CGNL1: variants seen among roughly 807,000 people sequenced by gnomAD.
CGNL1 encodes the protein cingulin like 1.
Under a neutral mutation model 141.2 loss-of-function variants are expected in CGNL1, and 132 were observed. The ratio of observed to expected loss-of-function variants is 0.93; its 90% CI spans 0.81 to 1.08. CGNL1 has a LOEUF of 1.08. CGNL1 is among the 50% of genes least tolerant of loss of function. The probability of loss-of-function intolerance (pLI) is 0.00; values close to 1 mark genes in which losing one functional copy is unlikely to be tolerated. For synonymous variants in CGNL1, 690 were observed against 622.1 expected, an observed-to-expected ratio of 1.11 and a Z score of -1.63; for missense variants, 1,870 against 1,588.6, an observed-to-expected ratio of 1.18 and a Z score of -3.01.
At chr15:57,480,314 T>G (rs988793855) in intron 8 of CGNL1, among the ~76,000 whole-genome samples, 10 of 132,728 alleles carry the variant, frequency 7.5e-5, no homozygotes, top group African/African-American at 3.4e-4. Flanking sequence ...GGTCAGGAGT[T>G]TGAGACCCGC....
intron 12 of CGNL1, among the ~76,000 whole-genome samples, chr15:57,528,079 A>C (rs1385689791): frequency 6.6e-6 from 1 of 152,194 alleles, no homozygotes; most frequent in African/African-American, 2.4e-5. Context: ...CACCATGGTG[A>C]AGCTCCATCT....
intron 7 of CGNL1, among the ~76,000 whole-genome samples, chr15:57,457,343 T>C (rs1275835902): frequency 6.6e-6 from 1 of 152,238 alleles, no homozygotes; most frequent in Non-Finnish European, 1.5e-5. Flanking sequence ...GGCCACTTGC[T>C]GCTGCTGCAG....
chr15:57,442,341 C>A, intron 3 of CGNL1, 32 bp from the exon 4 acceptor site: 1 of 1,359,438 alleles, frequency 7.4e-7, no homozygotes, highest in Non-Finnish European at 1.1e-6. Context: ...TGGTTGTGTC[C>A]CTCATTGTTT....
At chr15:57,528,606 T>C in intron 12 of CGNL1, 48 bp from the exon 13 acceptor site, 1 of 1,602,040 alleles carries the variant, frequency 6.2e-7, no homozygotes, top group Non-Finnish European at 8.5e-7. Context: ...GAGGTCTCTA[T>C]GCTCTTGATG....
At chr15:57,432,733 G>A (rs1291267173) in intron 1 of CGNL1, among the ~76,000 whole-genome samples, 10 of 152,198 alleles carry the variant, frequency 6.6e-5, no homozygotes, top group African/African-American at 2.4e-4. Context: ...CACTTTGATT[G>A]GGAAGGAAAT....
intron 4 of CGNL1, among the ~76,000 whole-genome samples, chr15:57,442,789 T>C (rs1360036698): frequency 6.6e-6 from 1 of 152,024 alleles, no homozygotes; most frequent in Non-Finnish European, 1.5e-5. Context: ...CGGCTAATTT[T>C]TGTGTTTTTA....
chr15:57,550,010 C>T lies in CGNL1; in HGVS notation c.*2520C>T, dbSNP rs1029528292. 6.6e-6 allele frequency: 1 copy of T among 152,222 alleles called. No individual in the cohort carries two copies. The highest frequency in any genetic ancestry group is 2.1e-4 in the South Asian group (1 of 4,822). 9.4% of individuals were successfully genotyped at this position (152,222 alleles called of 1,614,324 possible). ...GGTTTGTGAGAAAGTAGCTGCCCCT[C>T]ATTCTGGCCAGTTCTTTCCAGTAGC... On this transcript the variant is annotated 3_prime_UTR_variant, in exon 19 of 19. Coordinates refer to ENST00000281282, the MANE Select transcript of CGNL1 (RefSeq NM_032866.5).
intron 7 of CGNL1, among the ~76,000 whole-genome samples, chr15:57,454,971 C>G (rs1481114475): frequency 6.6e-6 from 1 of 152,156 alleles, no homozygotes; most frequent in Admixed American, 6.5e-5. Context: ...TCTATAATCT[C>G]TGTTTGCCTC....
intron 14 of CGNL1, 39 bp downstream of exon 14, chr15:57,531,818 T>C: frequency 7.6e-7 from 1 of 1,315,374 alleles, no homozygotes; most frequent in South Asian, 1.2e-5. Context: ...GATTGTCCTG[T>C]GTGAAAAAGG....
chr15:57,532,858 A>G (rs139100664), intron 14 of CGNL1, among the ~76,000 whole-genome samples: 122 of 152,248 alleles, frequency 8.0e-4, no homozygotes, highest in African/African-American at 2.9e-3. Flanking sequence ...GTTATTCATA[A>G]CCACTTGGGA....
chr15:57,387,159 T>C (rs2062493078), intron 1 of CGNL1, among the ~76,000 whole-genome samples: 1 of 152,188 alleles, frequency 6.6e-6, no homozygotes, highest in Admixed American at 6.5e-5. Flanking sequence ...AACTGCCTAG[T>C]CTAGATATTT....
chr15:57,452,043 G>A, intron 5 of CGNL1, 98 bp from the exon 6 acceptor site: 3 of 1,038,404 alleles, frequency 2.9e-6, no homozygotes, highest in African/African-American at 1.6e-5. Flanking sequence ...AATAATGTAA[G>A]TGCAAAGATA....
chr15:57,469,313 G>A (rs1475175595), intron 8 of CGNL1, among the ~76,000 whole-genome samples: 1 of 151,450 alleles, frequency 6.6e-6, no homozygotes, highest in East Asian at 1.9e-4. Flanking sequence ...TCATCTTGAG[G>A]TCCTGGGAGC....
chr15:57,407,916 T>C (rs1404514014), intron 1 of CGNL1, among the ~76,000 whole-genome samples: 1 of 151,946 alleles, frequency 6.6e-6, no homozygotes, highest in East Asian at 1.9e-4. Flanking sequence ...GCCTGGCTAA[T>C]TTTTACATTT....
chr15:57,459,300 A>G (rs1349692396), intron 7 of CGNL1, among the ~76,000 whole-genome samples: 1 of 152,248 alleles, frequency 6.6e-6, no homozygotes, highest in Non-Finnish European at 1.5e-5. Flanking sequence ...CTATGCATCA[A>G]AAATATAATA....
chr15:57,540,685 C>T (rs1372244139), intron 14 of CGNL1, among the ~76,000 whole-genome samples: 1 of 152,182 alleles, frequency 6.6e-6, no homozygotes, highest in African/African-American at 2.4e-5. Flanking sequence ...GCACCCACCC[C>T]AGCACACTGT....
At chr15:57,474,054 G>C (rs534412427) in intron 8 of CGNL1, among the ~76,000 whole-genome samples, 2 of 152,020 alleles carry the variant, frequency 1.3e-5, no homozygotes, top group South Asian at 4.2e-4. Context: ...GGGACTACAG[G>C]TGTGTGCCAC....
chr15:57,472,742 C>G, intron 8 of CGNL1, among the ~76,000 whole-genome samples: 1 of 152,152 alleles, frequency 6.6e-6, no homozygotes, highest in East Asian at 1.9e-4. Flanking sequence ...TGCCAGTCTG[C>G]TGAATTTATA....
intron 1 of CGNL1, chr15:57,406,051 C>T (rs1228162269): frequency 6.6e-6 from 1 of 152,412 alleles, no homozygotes; most frequent in African/African-American, 2.4e-5. Context: ...GAGAAGATCC[C>T]ACTAAACACA....
Sources: allele counts gnomAD v4.1 joint callset (sites outside exome capture counted in the v4.1 genomes callset), GRCh38; gene constraint gnomAD v4.1.1; transcripts MANE v1.5; gene names NCBI Gene and HGNC (gene_info 2026-07-23, HGNC 2026-07-21).